The following MCPH1 variants were observed in gnomAD, a reference collection of about 807,000 sequenced individuals.
MCPH1 encodes the protein microcephalin 1, also known as microcephalin.
Under a neutral mutation model 84.5 loss-of-function variants are expected in MCPH1, and 104 were observed. That is an observed-to-expected ratio of 1.23 (90% CI 1.05 to 1.45). The LOEUF (loss-of-function observed/expected upper bound fraction) is 1.45, where lower values mean the gene tolerates loss of function less well. MCPH1 is among the 40% of genes most tolerant of loss of function. The probability of loss-of-function intolerance (pLI) is 0.00; values close to 1 mark genes in which losing one functional copy is unlikely to be tolerated. For synonymous variants in MCPH1, 514 were observed against 366.8 expected (o/e 1.40, Z -4.58); for missense variants, 1,498 against 1,005.7 (o/e 1.49, Z -6.62).
intron 12 of MCPH1, among the ~76,000 whole-genome samples, chr8:6,608,003 T>G (rs1421114924): frequency 1.3e-5 from 2 of 152,120 alleles, no homozygotes; most frequent in East Asian, 1.9e-4. Flanking sequence ...TTTGGAATAG[T>G]GTTTTTTGAT....
chr8:6,583,770 G>A (rs956062556), intron 12 of MCPH1, among the ~76,000 whole-genome samples: 8 of 150,926 alleles, frequency 5.3e-5, no homozygotes, highest in African/African-American at 1.7e-4. Context: ...CAGCTAACTG[G>A]ATGCAGAAGA....
chr8:6,419,481 C>G (rs1186655825), intron 3 of MCPH1, among the ~76,000 whole-genome samples: 1 of 151,968 alleles, frequency 6.6e-6, no homozygotes, highest in African/African-American at 2.4e-5. Flanking sequence ...TAAGCTCTGC[C>G]TCCCAGGTTC....
intron 12 of MCPH1, among the ~76,000 whole-genome samples, chr8:6,551,932 C>T (rs1004688358): frequency 5.3e-5 from 8 of 152,108 alleles, no homozygotes; most frequent in Admixed American, 2.0e-4. Context: ...TTTGAGATTC[C>T]AAAGACTACG....
intron 12 of MCPH1, among the ~76,000 whole-genome samples, chr8:6,613,318 C>T (rs555996129): frequency 1.1e-3 from 162 of 152,328 alleles, no homozygotes; most frequent in African/African-American, 3.7e-3. Context: ...ACACGGCCAA[C>T]GGTCAGGGGA....
chr8:6,478,777 C>A lies in MCPH1; in HGVS notation c.1973+1146C>A, dbSNP rs140252938. ...TTATCATTTTTGCCTTTATTTCTTT[C>A]CAAGTTTAATTATTTTTCTTGACTC... On this transcript the variant is annotated intron_variant, in intron 10 of 13. Transcript: ENST00000344683. Among the ~76,000 whole-genome samples the A allele has an allele frequency of 2.4e-3, 365 of 152,090 alleles. 4 individuals are homozygous for A. Among genetic ancestry groups the A allele is most frequent in the African/African-American group, 8.5e-3 (354 of 41,498 alleles).
At chr8:6,513,369 G>A (rs1328348146) in intron 12 of MCPH1, among the ~76,000 whole-genome samples, 1 of 131,878 alleles carries the variant, frequency 7.6e-6, no homozygotes, top group Non-Finnish European at 1.6e-5. Context: ...GTCTTGCTCT[G>A]TCGCCCAGGT....
intron 12 of MCPH1, among the ~76,000 whole-genome samples, chr8:6,522,565 G>A (rs1817565970): frequency 6.6e-6 from 1 of 152,040 alleles, no homozygotes; most frequent in Admixed American, 6.6e-5. Flanking sequence ...CTAGAGTCCA[G>A]GAGCTTGAGA....
intron 12 of MCPH1, among the ~76,000 whole-genome samples, chr8:6,526,344 G>A (rs1818336843): frequency 6.7e-6 from 1 of 149,294 alleles, no homozygotes; most frequent in Non-Finnish European, 1.5e-5. Context: ...TGACATGGGA[G>A]AATCACCTGA....
chr8:6,524,390 G>T (rs192941913), intron 12 of MCPH1, among the ~76,000 whole-genome samples: 2 of 152,328 alleles, frequency 1.3e-5, no homozygotes, highest in Admixed American at 1.3e-4. Context: ...GAAGAGCAGA[G>T]AAACATTATT....
At chr8:6,473,601 G>A (rs1317513273) in intron 9 of MCPH1, among the ~76,000 whole-genome samples, 2 of 152,068 alleles carry the variant, frequency 1.3e-5, no homozygotes, top group Non-Finnish European at 2.9e-5. Flanking sequence ...AAAGGGCTGG[G>A]ATTACAGGCG....
intron 8 of MCPH1, among the ~76,000 whole-genome samples, chr8:6,449,355 C>T (rs1484718834): frequency 6.6e-6 from 1 of 152,164 alleles, no homozygotes; most frequent in Non-Finnish European, 1.5e-5. Context: ...AAATTCCGGC[C>T]AGGTGTGATG....
intron 9 of MCPH1, chr8:6,474,022 C>A (rs1808112479): frequency 1.2e-6 from 1 of 837,674 alleles, no homozygotes; most frequent in African/African-American, 1.7e-5. Flanking sequence ...TTAGTTTCTT[C>A]TCATTATAAC....
chr8:6,621,301 T>C, intron 12 of MCPH1, 153 bp from the exon 13 acceptor site: 2 of 957,856 alleles, frequency 2.1e-6, no homozygotes, highest in Non-Finnish European at 3.2e-6. Flanking sequence ...TCATCTTCTC[T>C]GGATTCTCAG....
At chr8:6,419,657 C>G (rs1799878765) in intron 3 of MCPH1, among the ~76,000 whole-genome samples, 2 of 151,624 alleles carry the variant, frequency 1.3e-5, no homozygotes, top group Non-Finnish European at 2.9e-5. Context: ...CTGCCTTGGC[C>G]TCCCAAAGTG....
Position 6,480,883 on chromosome 8 carries a change from C to T in MCPH1, c.2136+7C>T. The T allele has an allele frequency of 6.2e-7, 1 of 1,613,674 alleles. No homozygotes were observed. Among genetic ancestry groups the T allele is most frequent in the Non-Finnish European group, 8.5e-7 (1 of 1,180,020 alleles). On this transcript the variant is annotated splice_region_variant and intron_variant, in intron 11 of 13. Transcript: ENST00000344683. ...GGTTCTCTCTTATGATTGGGTAAGCCCTGTGTGTGAACTGCGTATTTTAAA... is the reference window on the plus strand; with the variant it reads ...GGTTCTCTCTTATGATTGGGTAAGCTCTGTGTGTGAACTGCGTATTTTAAA...
chr8:6,596,461 T>C (rs1237200684), intron 12 of MCPH1, among the ~76,000 whole-genome samples: 1 of 152,146 alleles, frequency 6.6e-6, no homozygotes, highest in African/African-American at 2.4e-5. Flanking sequence ...CTCCATTGTG[T>C]CTAACGTAGG....
In MCPH1 at chr8:6,455,258, T is replaced by C. The variant is rs758473880; in HGVS notation, c.1935+6T>C. 1.6e-5 allele frequency: 26 copies of C among 1,582,354 alleles called. No individual in the cohort carries two copies. In the South Asian group the frequency reaches 2.7e-4, roughly 16 times the overall value. The stretch of plus-strand genomic sequence containing the variant: ...AAAGTGGGAGAGGCAAAAAGGTCAG[T>C]GTGTAAAAATATTATTTTAAACTTT... On this transcript the variant is annotated splice_donor_region_variant and intron_variant, in intron 9 of 13. Transcript: ENST00000344683.
chr8:6,586,563 C>G (rs1436726785), intron 12 of MCPH1, among the ~76,000 whole-genome samples: 1 of 152,134 alleles, frequency 6.6e-6, no homozygotes, highest in Non-Finnish European at 1.5e-5. Context: ...CCACTCTGTG[C>G]CGGTCATAGG....
At chr8:6,602,728 C>G (rs1180555926) in intron 12 of MCPH1, among the ~76,000 whole-genome samples, 2 of 152,116 alleles carry the variant, frequency 1.3e-5, no homozygotes, top group African/African-American at 4.8e-5. Context: ...CTCCTTCCCT[C>G]TTAGTCACCT....
Sources: allele counts gnomAD v4.1 joint callset (sites outside exome capture counted in the v4.1 genomes callset), GRCh38; gene constraint gnomAD v4.1.1; transcripts MANE v1.5; gene names NCBI Gene and HGNC (gene_info 2026-07-23, HGNC 2026-07-21).